The following GRM1 variants were observed in gnomAD, a reference collection of about 807,000 sequenced individuals.
The protein encoded by GRM1 is glutamate metabotropic receptor 1, also known as metabotropic glutamate receptor 1.
A neutral mutation model predicts 90.9 loss-of-function variants in GRM1; 33 were observed. The observed-to-expected ratio is 0.36, with a 90% CI of 0.28 to 0.49. The LOEUF (loss-of-function observed/expected upper bound fraction) is 0.49. Among genes scored for constraint, GRM1 ranks in the 20% least tolerant of loss-of-function variants. The probability of loss-of-function intolerance (pLI) is 0.99; values close to 1 mark genes in which losing one functional copy is unlikely to be tolerated. For synonymous variants in GRM1, 700 were observed against 613.2 expected (o/e 1.14, Z -2.09); for missense variants, 1,190 against 1,534.3 (o/e 0.78, Z 3.75).
chr6:146,257,135 G>A (rs534443762), intron 2 of GRM1, among the ~76,000 whole-genome samples: 1 of 152,192 alleles, frequency 6.6e-6, no homozygotes, highest in East Asian at 1.9e-4. Context: ...TCCCCATTCT[G>A]ATATAATTAA....
At chr6:146,432,770 A>T (rs1163477401) in intron 7 of GRM1, among the ~76,000 whole-genome samples, 1 of 152,254 alleles carries the variant, frequency 6.6e-6, no homozygotes, top group Non-Finnish European at 1.5e-5. Context: ...TTAAAGTTAT[A>T]CAGAAAAGAA....
chr6:146,430,583 G>A (rs529028204), intron 7 of GRM1, among the ~76,000 whole-genome samples: 2 of 152,286 alleles, frequency 1.3e-5, no homozygotes, highest in East Asian at 1.9e-4. Context: ...AAGCAGAAAC[G>A]ATTAAAGTTA....
rs362913 is a variant in GRM1 at position 146,386,857 on chromosome 6, A to G, written c.1603-33A>G. 0.024 allele frequency: 38,121 copies of G among 1,572,854 alleles called. 535 individuals carry two copies. The highest frequency in any genetic ancestry group is 0.029 in the Non-Finnish European group (33,609 of 1,143,134). ...AAATAGAAGCTTTTCTGGGAAAACT[A>G]TCTTTAAAATTCATGAAATATCTAT... On this transcript the variant is annotated intron_variant, in intron 5 of 7. Transcript: ENST00000282753.
At chr6:146,300,625 A>G (rs913650894) in intron 2 of GRM1, among the ~76,000 whole-genome samples, 14 of 152,216 alleles carry the variant, frequency 9.2e-5, no homozygotes, top group African/African-American at 3.1e-4. Flanking sequence ...GACCCCAGCT[A>G]GAAAACGGAA....
intron 3 of GRM1, among the ~76,000 whole-genome samples, chr6:146,314,225 C>A (rs955355484): frequency 6.6e-6 from 1 of 151,020 alleles, no homozygotes; most frequent in Non-Finnish European, 1.5e-5. Context: ...TGCTACCATG[C>A]CCGATTAATT....
intron 2 of GRM1, among the ~76,000 whole-genome samples, chr6:146,278,480 AT>A (rs1190890573): frequency 1.9e-4 from 29 of 152,252 alleles, no homozygotes; most frequent in Admixed American, 7.8e-4. Context: ...TTGTACATCA[AT>A]TTTGCTTCTT....
chr6:146,297,156 T>G (rs917358630), intron 2 of GRM1, among the ~76,000 whole-genome samples: 2 of 152,144 alleles, frequency 1.3e-5, no homozygotes, highest in South Asian at 4.1e-4. Flanking sequence ...TTGTGAAACG[T>G]GTAAACAATT....
intron 3 of GRM1, among the ~76,000 whole-genome samples, chr6:146,341,677 CAG>C (rs1784986694): frequency 6.6e-6 from 1 of 152,186 alleles, no homozygotes; most frequent in African/African-American, 2.4e-5. Flanking sequence ...CCACAGTCAA[CAG>C]AAACATTGGC....
chr6:146,398,543 A>G (rs1777048031), intron 6 of GRM1, among the ~76,000 whole-genome samples: 2 of 152,220 alleles, frequency 1.3e-5, no homozygotes, highest in African/African-American at 2.4e-5. Flanking sequence ...TATAGGTTCA[A>G]GTATGTCACA....
At chr6:146,072,941 A>G (rs567203320) in intron 1 of GRM1, among the ~76,000 whole-genome samples, 1 of 152,236 alleles carries the variant, frequency 6.6e-6, no homozygotes, top group South Asian at 2.1e-4. Flanking sequence ...ATTTAGTGGT[A>G]ATACACAGGG....
intron 2 of GRM1, among the ~76,000 whole-genome samples, chr6:146,186,013 A>T (rs1292613264): frequency 6.7e-6 from 1 of 149,992 alleles, no homozygotes; most frequent in Non-Finnish European, 1.5e-5. Flanking sequence ...CAGTGGTGTG[A>T]TCCTGGCTCA....
chr6:146,247,960 C>T (rs917169522), intron 2 of GRM1, among the ~76,000 whole-genome samples: 8 of 151,274 alleles, frequency 5.3e-5, no homozygotes, highest in African/African-American at 1.9e-4. Context: ...TTTAGAGCCT[C>T]ATCAAGTTGT....
chr6:146,257,493 G>A (rs1486883531), intron 2 of GRM1, among the ~76,000 whole-genome samples: 3 of 150,562 alleles, frequency 2.0e-5, no homozygotes, highest in African/African-American at 2.5e-5. Context: ...GCGTATGTGT[G>A]TGTCTGTCTG....
intron 2 of GRM1, among the ~76,000 whole-genome samples, chr6:146,204,197 C>G (rs1209196767): frequency 1.3e-5 from 2 of 152,046 alleles, no homozygotes; most frequent in African/African-American, 4.8e-5. Flanking sequence ...TTTTGGTCTG[C>G]TTGGAGATGA....
chr6:146,389,742 C>T (rs1283123832), intron 6 of GRM1, among the ~76,000 whole-genome samples: 3 of 152,054 alleles, frequency 2.0e-5, no homozygotes, highest in South Asian at 2.1e-4. Context: ...CATGCAGCTG[C>T]GACTGGGTCA....
chr6:146,251,559 C>T (rs1562557761), intron 2 of GRM1, among the ~76,000 whole-genome samples: 2 of 152,194 alleles, frequency 1.3e-5, no homozygotes, highest in Non-Finnish European at 2.9e-5. Flanking sequence ...CTACTTGAAA[C>T]TACCTTAGGC....
intron 2 of GRM1, among the ~76,000 whole-genome samples, chr6:146,294,384 A>T (rs1267740794): frequency 6.6e-6 from 1 of 151,898 alleles, no homozygotes; most frequent in African/African-American, 2.4e-5. Flanking sequence ...TTGGAGGTAG[A>T]TGTGTTGGTT....
chr6:146,087,772 A>G (rs143059560), intron 1 of GRM1, among the ~76,000 whole-genome samples: 1 of 152,282 alleles, frequency 6.6e-6, no homozygotes, highest in East Asian at 1.9e-4. Context: ...GTGCCTCAAA[A>G]GTTCATTCCT....
Position 146,267,374 on chromosome 6 carries a change from A to C in GRM1, c.951-37237A>C, listed in dbSNP as rs141393240. On this transcript the variant is annotated intron_variant, in intron 2 of 7. Coordinates refer to ENST00000282753, the MANE Select transcript of GRM1 (RefSeq NM_001278064.2). ...TGTGTCCATGTATCTTTATAATAGAAAGAGTTATATTCCTTTGAGTAATAT... is the reference window on the plus strand; with the variant it reads ...TGTGTCCATGTATCTTTATAATAGACAGAGTTATATTCCTTTGAGTAATAT... Among the ~76,000 whole-genome samples, 75 of 152,312 alleles carry C rather than the reference A, an allele frequency of 4.9e-4. No homozygotes were observed. In the East Asian group the frequency reaches 0.014, roughly 28 times the overall value.
Sources: gnomAD v4.1 joint callset for allele counts (sites outside exome capture counted in the v4.1 genomes callset) on GRCh38, gnomAD v4.1.1 for gene constraint, MANE v1.5 for transcripts, NCBI Gene and HGNC (gene_info 2026-07-23, HGNC 2026-07-21) for gene names.